Variants in KMT2C observed in about 807,000 individuals in gnomAD.
KMT2C encodes the protein histone-lysine N-methyltransferase 2C.
A neutral mutation model predicts 507.9 loss-of-function variants in KMT2C; 88 were observed. That is an observed-to-expected ratio of 0.17 (90% CI 0.15 to 0.21). KMT2C has a LOEUF of 0.21. Ranked by LOEUF, KMT2C falls within the 10% of genes least tolerant of loss-of-function variation. The probability of loss-of-function intolerance (pLI) is 1.00; values close to 1 mark genes in which losing one functional copy is unlikely to be tolerated. For missense variants in KMT2C, 4,954 were observed against 5,957.8 expected, an observed-to-expected ratio of 0.83 and a Z score of 5.55; for synonymous variants, 2,049 against 2,080.8, an observed-to-expected ratio of 0.98 and a Z score of 0.42.
At chr7:152,290,258 G>GTGTGTGTGTATA (rs1337492088) in intron 6 of KMT2C, among the ~76,000 whole-genome samples, 15 of 26,260 alleles carry the variant, frequency 5.7e-4, no homozygotes, top group African/African-American at 2.0e-3. Flanking sequence ...GTGTGTATGT[G>GTGTGTGTGTATA]TATATATATA....
chr7:152,311,553 C>T (rs558930824), intron 5 of KMT2C, among the ~76,000 whole-genome samples: 5 of 87,484 alleles, frequency 5.7e-5, no homozygotes, highest in Non-Finnish European at 1.3e-4. Context: ...CATGGCACCG[C>T]TATCTACACA....
At chr7:152,305,414 G>C (rs147179782) in intron 6 of KMT2C, among the ~76,000 whole-genome samples, 1 of 152,212 alleles carries the variant, frequency 6.6e-6, no homozygotes, top group Non-Finnish European at 1.5e-5. Flanking sequence ...GTGGATCTGC[G>C]TCTGCGTACT....
rs534718966 is a variant in KMT2C, at chr7:152,416,582, C to T, written c.161+19044G>A. Among the ~76,000 whole-genome samples, 327 of 150,842 alleles carry T rather than the reference C, an allele frequency of 2.2e-3. 3 individuals carry two copies. The highest frequency in any genetic ancestry group is 0.01 in the Middle Eastern group (3 of 294). On this transcript the variant is annotated intron_variant, in intron 1 of 58. Transcript: ENST00000262189. ...CAAACAACAACAACAAAAAATTAGC[C>T]AGGCATGGTAGCGCGCCTGTAATCC...
intron 1 of KMT2C, among the ~76,000 whole-genome samples, chr7:152,386,209 GAAA>G (rs971685442): frequency 1.3e-4 from 18 of 134,782 alleles, no homozygotes; most frequent in African/African-American, 4.8e-4. Context: ...TGTTAAAAAA[GAAA>G]AAAAAAAAAA....
chr7:152,144,565 C>T lies in KMT2C; in HGVS notation c.14343+148G>A, dbSNP rs2090922364. The stretch of plus-strand genomic sequence containing the variant: ...ACTACATATTAAATCCCTAGTGTTA[C>T]CAAGGGACAGGATTTGATACGATTT... On this transcript the variant is annotated intron_variant, in intron 55 of 58. Transcript: ENST00000262189. The surrounding 1 kb of genome is among the most constrained non-coding windows in gnomAD (Gnocchi z 4.4). 9.1e-6 allele frequency: 7 copies of T among 765,098 alleles called. No homozygotes were observed. The highest frequency in any genetic ancestry group is 1.8e-5 in the South Asian group (1 of 54,996). 47.4% of individuals were successfully genotyped at this position (765,098 alleles called of 1,614,324 possible).
At chr7:152,259,543 A>C (rs2095731767) in intron 9 of KMT2C, among the ~76,000 whole-genome samples, 1 of 151,716 alleles carries the variant, frequency 6.6e-6, no homozygotes. Context: ...ACAACTGATA[A>C]ATCTAAGTAA....
At chr7:152,183,667 C>T (rs1047652564) in intron 34 of KMT2C, among the ~76,000 whole-genome samples, 5 of 152,096 alleles carry the variant, frequency 3.3e-5, no homozygotes, top group Admixed American at 1.3e-4. Context: ...GAGGCTGAGG[C>T]GGGTGGATCA....
chr7:152,223,175 GATAAA>G (rs1272806089), intron 20 of KMT2C, among the ~76,000 whole-genome samples: 1 of 152,088 alleles, frequency 6.6e-6, no homozygotes, highest in Non-Finnish European at 1.5e-5. Flanking sequence ...CTGTACTACT[GATAAA>G]ATAATACTAT....
intron 2 of KMT2C, among the ~76,000 whole-genome samples, chr7:152,339,529 T>A (rs2096970717): frequency 6.6e-6 from 1 of 152,256 alleles, no homozygotes; most frequent in Non-Finnish European, 1.5e-5. Context: ...GGCTTATTTT[T>A]ATTTCAATGC....
chr7:152,321,594 T>C (rs1467967316), intron 3 of KMT2C, among the ~76,000 whole-genome samples: 1 of 151,876 alleles, frequency 6.6e-6, no homozygotes, highest in Non-Finnish European at 1.5e-5. Context: ...AAAGTAAATA[T>C]ACAAAAATCA....
In KMT2C at chr7:152,167,248, T is replaced by C. The variant is rs2092771467; in HGVS notation, c.9648A>G (p.Gln3216=). The C allele has an allele frequency of 6.2e-7, 1 of 1,614,010 alleles. No homozygotes were observed. The highest frequency in any genetic ancestry group is 8.5e-7 in the Non-Finnish European group (1 of 1,180,024). Residue 3216 remains glutamine, a synonymous_variant, in exon 42 of 59, where the codon CAA becomes CAG. Transcript: ENST00000262189. The part of the protein sequence containing the change: ...RKSKKALSAK[Q]RTAKKAGREF... ...CACGCCCAGCTTTCTTGGCAGTACG[T>C]TGTTTAGCTGAAAGGGCCTTCTTAG...
intron 1 of KMT2C, among the ~76,000 whole-genome samples, chr7:152,431,901 T>C (rs1173268221): frequency 6.6e-6 from 1 of 152,220 alleles, no homozygotes; most frequent in Non-Finnish European, 1.5e-5. Context: ...TTAAATGGTA[T>C]ATATTGTAAT....
intron 31 of KMT2C, among the ~76,000 whole-genome samples, 188 bp downstream of exon 31, chr7:152,193,821 C>A (rs888387452): frequency 2.0e-5 from 3 of 152,154 alleles, no homozygotes; most frequent in Admixed American, 6.5e-5. Flanking sequence ...TACAGAATTA[C>A]AGAGAATTTC....
intron 51 of KMT2C, 48 bp downstream of exon 51, chr7:152,150,852 A>C (rs1292113616): frequency 7.9e-7 from 1 of 1,267,296 alleles, no homozygotes; most frequent in African/African-American, 1.5e-5. Context: ...CAGAACACAG[A>C]AGTCACTCGT....
At chr7:152,352,706 AAT>A (rs1277895669) in intron 2 of KMT2C, among the ~76,000 whole-genome samples, 1 of 152,182 alleles carries the variant, frequency 6.6e-6, no homozygotes, top group Admixed American at 6.6e-5. Context: ...CTTGAGCCTA[AAT>A]TTTTGTCCCT....
chr7:152,208,155 TTCA>T (rs1311609034), intron 23 of KMT2C, among the ~76,000 whole-genome samples: 1 of 152,220 alleles, frequency 6.6e-6, no homozygotes, highest in Non-Finnish European at 1.5e-5. Context: ...TTAAAATCCT[TTCA>T]TGTCTTCCCA....
intron 16 of KMT2C, 141 bp downstream of exon 16, chr7:152,235,676 C>CAA (rs113453483): frequency 1.1e-4 from 60 of 533,824 alleles, no homozygotes; most frequent in Non-Finnish European, 1.7e-4. Context: ...ACCAGAGGCT[C>CAA]AAAAAAAAAA....
rs776793326 is a variant in KMT2C at position 152,148,625 on chromosome 7, C to G, written c.13302G>C (p.Leu4434=). The part of the protein sequence containing the change: ...LDLWVHLNCA[L]WSTEVYETQA... Reference sequence around the variant, plus strand: ...GAGTCTCATAGACCTCCGTGGACCACAGAGCGCAGTTCAAGTGGACCCACA... The same window carrying G: ...GAGTCTCATAGACCTCCGTGGACCAGAGAGCGCAGTTCAAGTGGACCCACA... The change falls in exon 52 of 59, where the codon CTG becomes CTC. Residue 4434 remains leucine, a synonymous_variant. Coordinates refer to ENST00000262189, the MANE Select transcript of KMT2C (RefSeq NM_170606.3). This position sits in a 1 kb window ranked among gnomAD's most constrained non-coding sequence, Gnocchi z 7.1. The G allele has an allele frequency of 4.3e-6, 7 of 1,614,224 alleles. No individual in the cohort carries two copies. The highest frequency in any genetic ancestry group is 1.1e-5 in the South Asian group (1 of 91,086).
chr7:152,195,953 A>G lies in KMT2C; in HGVS notation c.4332T>C (p.Ile1444=), dbSNP rs757130536. ...CTAGATCATCTGAAATTATTCCAAG[A>G]ATGTCATCATCTGTGTTTAAAACTT... The part of the protein sequence containing the change: ...ISEVLNTDDD[I]LGIISDDLAK... The change falls in exon 28 of 59, where the codon ATT becomes ATC. Residue 1444 remains isoleucine (I), a synonymous_variant. Coordinates refer to ENST00000262189, the MANE Select transcript of KMT2C (RefSeq NM_170606.3). The G allele has an allele frequency of 9.3e-6, 15 of 1,610,582 alleles. No individual in the cohort carries two copies. The highest frequency in any genetic ancestry group is 1.2e-5 in the Non-Finnish European group (14 of 1,177,420).
Sources: gnomAD v4.1 joint callset for allele counts (sites outside exome capture counted in the v4.1 genomes callset) on GRCh38, gnomAD v4.1.1 for gene constraint, Gnocchi (gnomAD v3.1) non-coding constraint, MANE v1.5 for transcripts, NCBI Gene and HGNC (gene_info 2026-07-23, HGNC 2026-07-21) for gene names.